LRRC37A2: variants seen among roughly 807,000 people sequenced by gnomAD.
LRRC37A2 encodes leucine rich repeat containing 37 member A2.
Under a neutral mutation model 68.8 loss-of-function variants are expected in LRRC37A2, and 9 were observed. The observed-to-expected ratio is 0.13, with a 90% CI of 0.08 to 0.23. The LOEUF (loss-of-function observed/expected upper bound fraction) is 0.23. Ranked by LOEUF, LRRC37A2 falls within the 10% of genes least tolerant of loss-of-function variation. The pLI, the probability that LRRC37A2 is intolerant of heterozygous loss-of-function variation, is 1.00. For missense variants in LRRC37A2, 168 were observed against 950.4 expected (o/e 0.18, Z 10.82); for synonymous variants, 63 against 367.6 (o/e 0.17, Z 9.48).
chr17:46,791,924 C>T, the LRRC37A2 span, among the ~76,000 whole-genome samples: 6 of 152,134 alleles, frequency 3.9e-5, no homozygotes, highest in African/African-American at 1.4e-4. Context: ...CTTGTAGTCC[C>T]AGCTACTGGG....
At chr17:46,722,454 C>T in the LRRC37A2 span, among the ~76,000 whole-genome samples, 13 of 152,158 alleles carry the variant, frequency 8.5e-5, no homozygotes, top group Non-Finnish European at 1.9e-4. Flanking sequence ...TTACTTTTCT[C>T]GCATCTTTCT....
At chr17:47,001,961 ACTC>A in the LRRC37A2 span, among the ~76,000 whole-genome samples, 2 of 147,138 alleles carry the variant, frequency 1.4e-5, no homozygotes, top group East Asian at 4.0e-4. Flanking sequence ...CTGGTCTTGA[ACTC>A]CTCGCCTCAA....
the LRRC37A2 span, among the ~76,000 whole-genome samples, chr17:46,873,275 C>T: frequency 6.6e-6 from 1 of 152,118 alleles, no homozygotes; most frequent in Non-Finnish European, 1.5e-5. Flanking sequence ...TCCTTCCCTT[C>T]CACTCCCATT....
chr17:46,739,339 C>G, the LRRC37A2 span, among the ~76,000 whole-genome samples: 1 of 141,186 alleles, frequency 7.1e-6, no homozygotes, highest in Non-Finnish European at 1.5e-5. Context: ...CCACTGCACT[C>G]CAGCCTGGGC....
chr17:46,890,754 A>G, the LRRC37A2 span, among the ~76,000 whole-genome samples: 2 of 152,310 alleles, frequency 1.3e-5, no homozygotes, highest in South Asian at 2.1e-4. Flanking sequence ...CTCACCAGCC[A>G]TGGGGTCCCT....
the LRRC37A2 span, among the ~76,000 whole-genome samples, chr17:46,819,377 G>C: frequency 6.6e-6 from 1 of 152,180 alleles, no homozygotes; most frequent in East Asian, 1.9e-4. The surrounding 1 kb of genome is among the most constrained non-coding windows in gnomAD (Gnocchi z 5.3). Context: ...GGATCAGATC[G>C]GTATCGGGAC....
At chr17:46,931,219 C>T in the LRRC37A2 span, 2 of 1,184,572 alleles carry the variant, frequency 1.7e-6, no homozygotes. Flanking sequence ...TAAGTGCTGA[C>T]CTCTGACATG....
chr17:46,779,053 T>TCACTCACA, the LRRC37A2 span, among the ~76,000 whole-genome samples: 16 of 100,668 alleles, frequency 1.6e-4, no homozygotes, highest in Admixed American at 1.2e-3. Context: ...CCCTACCCCA[T>TCACTCACA]CACACACACA....
At chr17:46,492,998 GTTTTTTTT>G in the LRRC37A2 span, among the ~76,000 whole-genome samples, 1 of 130,108 alleles carries the variant, frequency 7.7e-6, no homozygotes, top group South Asian at 2.4e-4. Context: ...CTGGCCTCAA[GTTTTTTTT>G]TTTTTTTTTT....
chr17:46,735,311 A>G, the LRRC37A2 span, among the ~76,000 whole-genome samples: 2 of 152,168 alleles, frequency 1.3e-5, no homozygotes, highest in African/African-American at 4.8e-5. Context: ...GCTAGAATGT[A>G]TTCTTCCAGA....
the LRRC37A2 span, among the ~76,000 whole-genome samples, chr17:46,957,116 C>T: frequency 6.6e-6 from 1 of 152,126 alleles, no homozygotes. Flanking sequence ...CAAAACCATC[C>T]TGGGTGACAT....
At chr17:46,738,890 C>T in the LRRC37A2 span, among the ~76,000 whole-genome samples, 1 of 151,978 alleles carries the variant, frequency 6.6e-6, no homozygotes, top group South Asian at 2.1e-4. Context: ...TCACTTGAGT[C>T]CAGGACTTCT....
chr17:46,920,197 G>T, the LRRC37A2 span, among the ~76,000 whole-genome samples: 1 of 152,172 alleles, frequency 6.6e-6, no homozygotes, highest in Non-Finnish European at 1.5e-5. Flanking sequence ...ATTGATTCTT[G>T]AAGGTCTTAT....
the LRRC37A2 span, among the ~76,000 whole-genome samples, chr17:46,752,171 C>T: frequency 6.6e-6 from 1 of 152,200 alleles, no homozygotes; most frequent in East Asian, 1.9e-4. Context: ...GTTGAAGCAT[C>T]CAGAATCACA....
chr17:46,768,761 G>A, the LRRC37A2 span: 6 of 1,614,030 alleles, frequency 3.7e-6, no homozygotes, highest in East Asian at 2.2e-5. This position sits in a 1 kb window ranked among gnomAD's most constrained non-coding sequence, Gnocchi z 5.0. Context: ...CCGACAGCCC[G>A]TGGCACTTGC....
At chr17:46,828,807 AAAG>A in the LRRC37A2 span, among the ~76,000 whole-genome samples, 1 of 151,982 alleles carries the variant, frequency 6.6e-6, no homozygotes, top group Non-Finnish European at 1.5e-5. Flanking sequence ...AAAAAAAAAA[AAAG>A]AATTGCCAGG....
At chr17:46,768,934 G>A in the LRRC37A2 span, 1 of 1,355,100 alleles carries the variant, frequency 7.4e-7, no homozygotes, top group Non-Finnish European at 9.9e-7. This position sits in a 1 kb window ranked among gnomAD's most constrained non-coding sequence, Gnocchi z 5.0. Context: ...AGAACTGATG[G>A]GGACTGAGGC....
chr17:46,756,963 A>G, the LRRC37A2 span: 1 of 152,376 alleles, frequency 6.6e-6, no homozygotes, highest in African/African-American at 2.4e-5. Flanking sequence ...ATTAGGTCAT[A>G]TTTGGTGATG....
chr17:46,804,307 G>A, the LRRC37A2 span, among the ~76,000 whole-genome samples: 4 of 152,102 alleles, frequency 2.6e-5, no homozygotes, highest in South Asian at 2.1e-4. Flanking sequence ...AGGCTGGTTC[G>A]AACTCCTGAC....
Sources: gnomAD v4.1 joint callset for allele counts (sites outside exome capture counted in the v4.1 genomes callset) on GRCh38, gnomAD v4.1.1 for gene constraint, Gnocchi (gnomAD v3.1) non-coding constraint, MANE v1.5 for transcripts, NCBI Gene and HGNC (gene_info 2026-07-23, HGNC 2026-07-21) for gene names.